TFR2: variants seen among roughly 807,000 people sequenced by gnomAD.
TFR2 encodes transferrin receptor protein 2.
In TFR2, 64 loss-of-function variants were observed where a neutral mutation model predicts 91.9. That is an observed-to-expected ratio of 0.70 (90% CI 0.57 to 0.86). TFR2 has a LOEUF of 0.86. Among genes scored for constraint, TFR2 ranks in the 40% least tolerant of loss-of-function variants. The pLI is 0.00. For synonymous variants in TFR2, 454 were observed against 459.6 expected, an observed-to-expected ratio of 0.99 and a Z score of 0.15; for missense variants, 950 against 1,080.5, an observed-to-expected ratio of 0.88 and a Z score of 1.69.
In TFR2 at chr7:100,632,142, C is replaced by T. The variant is rs146024580; in HGVS notation, c.906G>A (p.Ala302=). The T allele has an allele frequency of 7.3e-5, 118 of 1,613,942 alleles. No individual in the cohort carries two copies. The highest frequency in any genetic ancestry group is 9.0e-5 in the Non-Finnish European group (106 of 1,180,014). Residue 302 remains alanine, a synonymous_variant, in exon 7 of 18, where the codon GCG becomes GCA. Transcript: ENST00000223051. The stretch of plus-strand genomic sequence containing the variant: ...GCTTGGGTGGGTCCTGGGAGAAGTC[C>T]GCTGGCTCTGGGTATATGAGCACTC... ...AQGVLIYPEP[A]DFSQDPPKPS...
Position 100,641,542 on chromosome 7 carries a change from C to G in TFR2, c.-33G>C, listed in dbSNP as rs745391409. 2 of 1,612,642 alleles carry G rather than the reference C, an allele frequency of 1.2e-6. No individual in the cohort carries two copies. Among genetic ancestry groups the G allele is most frequent in the African/African-American group, 1.3e-5 (1 of 74,830 alleles). ...TCCCCTCCTGAAGCCTGCAGGCTGT[C>G]CCCCAGCGATAAACCGATAAACCGT... On this transcript the variant is annotated 5_prime_UTR_variant, in exon 1 of 18. Transcript: ENST00000223051.
intron 9 of TFR2, 112 bp from the exon 10 acceptor site, chr7:100,629,484 GCAGTCCCTC>G: frequency 6.3e-7 from 1 of 1,581,258 alleles, no homozygotes; most frequent in Non-Finnish European, 8.6e-7. Flanking sequence ...CCCTAGCCCT[GCAGTCCCTC>G]CAGTCCCTAA....
chr7:100,625,022 C>G (rs1489661794), intron 17 of TFR2, among the ~76,000 whole-genome samples: 1 of 151,754 alleles, frequency 6.6e-6, no homozygotes, highest in Non-Finnish European at 1.5e-5. Flanking sequence ...CTCTCCATCC[C>G]TGAGCCTGAG....
rs1803308965 is a variant in TFR2 at position 100,627,762 on chromosome 7, G to A, written c.1664C>T (p.Pro555Leu). Residue 555 changes from proline to leucine, a missense_variant, in exon 14 of 18, where the codon CCC (proline) becomes CTC (leucine). By Grantham distance (98) the Pro-to-Leu change is moderately conservative. Coordinates refer to ENST00000223051, the MANE Select transcript of TFR2 (RefSeq NM_003227.4). ...TLYEQVVFTN[P>L]SWDAEVIRPL... is the part of the protein sequence containing the mutation. The stretch of plus-strand genomic sequence containing the variant: ...AACTTACACCTCAGCATCCCAGCTG[G>A]GATTGGTGAACACCACCTGTTCATA... The A allele has an allele frequency of 6.2e-7, 1 of 1,613,850 alleles. No homozygotes were observed. Among genetic ancestry groups the A allele is most frequent in the Admixed American group, 1.7e-5 (1 of 59,964 alleles).
chr7:100,632,991 G>C lies in TFR2; in HGVS notation c.849+10C>G. 3 of 1,613,622 alleles carry C rather than the reference G, an allele frequency of 1.9e-6. No homozygotes were observed. Among genetic ancestry groups the C allele is most frequent in the African/African-American group, 1.3e-5 (1 of 74,980 alleles). ...GGGCTCAAGCCCTCCCTCTGTCCAG[G>C]GACACTTACCTTCTGGGCGAAGCTG... On this transcript the variant is annotated intron_variant, in intron 6 of 17. Coordinates refer to ENST00000223051, the MANE Select transcript of TFR2 (RefSeq NM_003227.4).
At position 100,637,156 on chromosome 7, in the gene TFR2, T is replaced by A. The variant is rs1320540583; in HGVS notation, c.473+3530A>T. ...GGCTCACACCTGTAATCCCAGCACT[T>A]TGGGAGGCCGAGGTGGGTGGATCTC... On this transcript the variant is annotated intron_variant, in intron 3 of 17. Coordinates refer to ENST00000223051, the MANE Select transcript of TFR2 (RefSeq NM_003227.4). Among the ~76,000 whole-genome samples the A allele has an allele frequency of 2.0e-5, 3 of 152,022 alleles. No homozygotes were observed. In the East Asian group the frequency reaches 5.8e-4, roughly 29 times the overall value.
chr7:100,630,851 C>G, intron 9 of TFR2, 38 bp downstream of exon 9: 1 of 1,611,242 alleles, frequency 6.2e-7, no homozygotes, highest in South Asian at 1.1e-5. Context: ...TCCCCCAGCC[C>G]ACCACCAGCT....
chr7:100,635,236 G>T (rs1475650099), intron 3 of TFR2, among the ~76,000 whole-genome samples: 3 of 151,198 alleles, frequency 2.0e-5, no homozygotes, highest in African/African-American at 7.3e-5. Flanking sequence ...CATGGCGCCC[G>T]GCCCCTTTTC....
At chr7:100,627,522 G>A (rs1203034002) in intron 15 of TFR2, 31 bp from the exon 16 acceptor site, 1 of 1,613,732 alleles carries the variant, frequency 6.2e-7, no homozygotes, top group African/African-American at 1.3e-5. Flanking sequence ...CTGGGGCGGA[G>A]GCAGACAGGC....
intron 17 of TFR2, among the ~76,000 whole-genome samples, chr7:100,623,902 A>AC (rs1237409463): frequency 6.6e-6 from 1 of 150,432 alleles, no homozygotes; most frequent in East Asian, 1.9e-4. Flanking sequence ...AAAAAAAAAA[A>AC]AAAAAAAATT....
rs1329088997 is a variant in TFR2, at chr7:100,633,301, C to A, written c.654G>T (p.Gly218=). The part of the protein sequence containing the change: ...PNTLHWVDEA[G]KVGEQLPLED... ...CCAGCGGCAGCTGCTCTCCGACCTT[C>A]CCGGCCTCATCGACCCAGTGCAGGG... The change falls in exon 5 of 18, where the codon GGG becomes GGT. Residue 218 remains glycine, a synonymous_variant. Transcript: ENST00000223051. 2 of 1,613,610 alleles carry A rather than the reference C, an allele frequency of 1.2e-6. No homozygotes were observed. Among genetic ancestry groups the A allele is most frequent in the Non-Finnish European group, 8.5e-7 (1 of 1,179,866 alleles).
In TFR2 at chr7:100,641,173, C is replaced by T. The variant is rs750603454; in HGVS notation, c.89G>A (p.Arg30Gln). ...CTCTTCCTCCTCCAGGTGCCCTTTC[C>T]GGGGGCCTTCCACACGCTGGTAGAC... ...QTVYQRVEGP[R>Q]KGHLEEEEED... The change falls in exon 2 of 18, where the codon CGG becomes CAG. Residue 30 changes from arginine to glutamine, a missense_variant. Transcript: ENST00000223051. The T allele has an allele frequency of 5.2e-5, 80 of 1,526,768 alleles. No homozygotes were observed. Among genetic ancestry groups the T allele is most frequent in the Non-Finnish European group, 6.3e-5 (72 of 1,136,164 alleles). 94.6% of individuals were successfully genotyped at this position (1,526,768 alleles called of 1,614,324 possible).
In TFR2 at chr7:100,627,620, G is replaced by A. The variant is rs1489134774; in HGVS notation, c.1724C>T (p.Thr575Met). ...GACGGCAGGGACTCCCACAAAGGCC[G>A]TGAAGGAATAGGCACTGCTGTCCAT... ...LPMDSSAYSF[T>M]AFVGVPAVEF... Residue 575 changes from threonine (T) to methionine (M), a missense_variant, in exon 15 of 18, where the codon ACG (threonine) becomes ATG (methionine). Physicochemically the swap from Thr to Met is moderately conservative, Grantham distance 81. Transcript: ENST00000223051. 3 of 1,614,158 alleles carry A rather than the reference G, an allele frequency of 1.9e-6. No homozygotes were observed. The highest frequency in any genetic ancestry group is 1.1e-5 in the South Asian group (1 of 91,090).
chr7:100,633,391 G>GC (rs756856137), intron 4 of TFR2, 25 bp downstream of exon 4: 2 of 1,605,100 alleles, frequency 1.2e-6, no homozygotes, highest in East Asian at 2.2e-5. Context: ...CTCCCCGCGC[G>GC]CCCCCCGCCC....
At chr7:100,624,498 T>G (rs1263756135) in intron 17 of TFR2, among the ~76,000 whole-genome samples, 1 of 152,084 alleles carries the variant, frequency 6.6e-6, no homozygotes, top group East Asian at 1.9e-4. Flanking sequence ...TGCAGCTACT[T>G]AACGTTGCTG....
intron 10 of TFR2, 73 bp from the exon 11 acceptor site, chr7:100,628,379 C>T (rs1157376767): frequency 1.4e-6 from 2 of 1,454,850 alleles, no homozygotes; most frequent in Non-Finnish European, 1.9e-6. Context: ...TTCTTCTGTC[C>T]TGGTCCCCCA....
intron 3 of TFR2, 162 bp downstream of exon 3, chr7:100,640,524 A>T: frequency 1.3e-6 from 1 of 770,932 alleles, no homozygotes; most frequent in Non-Finnish European, 2.0e-6. Flanking sequence ...AATGCCTGCC[A>T]TCCTTCCCAG....
rs1215353969 is a variant in TFR2, at chr7:100,621,020, A to G, written c.2243T>C (p.Leu748Pro). 1.9e-6 allele frequency: 3 copies of G among 1,600,270 alleles called. No homozygotes were observed. The highest frequency in any genetic ancestry group is 3.5e-5 in the Admixed American group (2 of 57,708). Residue 748 changes from leucine to proline, a missense_variant, in exon 18 of 18, where the codon CTG becomes CCG. Coordinates refer to ENST00000223051, the MANE Select transcript of TFR2 (RefSeq NM_003227.4). ...DHTLGALLDH[L>P]RLLRSNSSGT... The stretch of plus-strand genomic sequence containing the variant: ...GGAGCTGTTGGAGCGCAGCAGCCGC[A>G]GGTGGTCCAGCAGGGCGCCCAGCGT...
intron 8 of TFR2, 76 bp downstream of exon 8, chr7:100,631,730 C>T: frequency 1.3e-6 from 2 of 1,550,164 alleles, no homozygotes; most frequent in Non-Finnish European, 1.7e-6. Flanking sequence ...CTAGTTCACC[C>T]ACAATCACCC....
Sources: allele counts gnomAD v4.1 joint callset (sites outside exome capture counted in the v4.1 genomes callset), GRCh38; gene constraint gnomAD v4.1.1; transcripts MANE v1.5; gene names NCBI Gene and HGNC (gene_info 2026-07-23, HGNC 2026-07-21).